TSHZ2: variants seen among roughly 807,000 people sequenced by gnomAD.
The protein encoded by TSHZ2 is teashirt homolog 2.
In TSHZ2, 21 loss-of-function variants were observed where a neutral mutation model predicts 74.4. The observed-to-expected ratio is 0.28, with a 90% CI of 0.20 to 0.41. TSHZ2 has a LOEUF of 0.41. Ranked by LOEUF, TSHZ2 falls within the 10% of genes least tolerant of loss-of-function variation. The pLI is 1.00. For synonymous variants in TSHZ2, 540 were observed against 515.3 expected (o/e 1.05, Z -0.65); for missense variants, 1,244 against 1,293.5 (o/e 0.96, Z 0.59).
chr20:53,383,519 GGAGGCT>G (rs1006285880), intron 2 of TSHZ2, among the ~76,000 whole-genome samples: 6 of 152,046 alleles, frequency 3.9e-5, no homozygotes, highest in African/African-American at 1.4e-4. Context: ...CAGCACTTTG[GGAGGCT>G]GAGGAGGGTG....
rs536018014 is a variant in TSHZ2 at position 53,185,619 on chromosome 20, CA to C, written c.41-67873del. 12,006 of 1,534,464 alleles carry C rather than the reference CA, an allele frequency of 7.8e-3. 67 individuals carry two copies. Among genetic ancestry groups the C allele is most frequent in the Non-Finnish European group, 8.6e-3 (9,913 of 1,146,186 alleles). ...GGGGATACAGAGCAAGACTCCATCTCAAAAAAAGAAAAAAAAGAAAGAAAAG... is the reference window on the plus strand; with the variant it reads ...GGGGATACAGAGCAAGACTCCATCTCAAAAAAGAAAAAAAAGAAAGAAAAG... On this transcript the variant is annotated intron_variant, in intron 1 of 2. Coordinates refer to ENST00000371497, the MANE Select transcript of TSHZ2 (RefSeq NM_173485.6).
At chr20:53,054,623 T>C (rs1255591645) in intron 1 of TSHZ2, among the ~76,000 whole-genome samples, 7 of 152,212 alleles carry the variant, frequency 4.6e-5, no homozygotes, top group African/African-American at 1.7e-4. Context: ...GTAGATTGAG[T>C]CTTTGCCGCC....
At chr20:53,031,985 GA>G in intron 1 of TSHZ2, among the ~76,000 whole-genome samples, 1 of 152,110 alleles carries the variant, frequency 6.6e-6, no homozygotes, top group East Asian at 1.9e-4. Context: ...AAGAAAGAAA[GA>G]AATTCAAAGC....
At chr20:53,076,672 G>A (rs547882244) in intron 1 of TSHZ2, among the ~76,000 whole-genome samples, 2 of 152,306 alleles carry the variant, frequency 1.3e-5, no homozygotes, top group Admixed American at 6.5e-5. Context: ...AGGTGAGGGT[G>A]GAGCAGGCCA....
chr20:53,351,862 T>C (rs764846418), intron 2 of TSHZ2, among the ~76,000 whole-genome samples: 3 of 152,240 alleles, frequency 2.0e-5, no homozygotes, highest in Non-Finnish European at 4.4e-5. Flanking sequence ...TTTCCACTTA[T>C]TGGTTTTATG....
chr20:53,055,236 G>A (rs868519923), intron 1 of TSHZ2, among the ~76,000 whole-genome samples: 8 of 152,056 alleles, frequency 5.3e-5, no homozygotes, highest in African/African-American at 1.2e-4. Context: ...ATAATCATTC[G>A]TTGAGCATTT....
At chr20:53,017,570 T>G (rs1236936598) in intron 1 of TSHZ2, among the ~76,000 whole-genome samples, 1 of 152,126 alleles carries the variant, frequency 6.6e-6, no homozygotes. Context: ...TTAAAAATAG[T>G]CAAGTTTTTA....
rs575606387 is a variant in TSHZ2, at chr20:53,186,768, G to C, written c.41-66731G>C. On this transcript the variant is annotated intron_variant, in intron 1 of 2. Transcript: ENST00000371497. ...GGCATCCACCTAAATACAACCACAC[G>C]GGGGAGGGAGGCAGCAGCCGTATTA... is the stretch of plus-strand genomic sequence containing the variant. Among the ~76,000 whole-genome samples the C allele has an allele frequency of 5.9e-5, 9 of 152,096 alleles. 1 individual carries two copies. The highest frequency in any genetic ancestry group is 1.3e-4 in the Non-Finnish European group (9 of 68,028).
chr20:53,250,068 C>G (rs1173884847), intron 1 of TSHZ2, among the ~76,000 whole-genome samples: 1 of 152,118 alleles, frequency 6.6e-6, no homozygotes, highest in African/African-American at 2.4e-5. Flanking sequence ...TCAGCTGTTC[C>G]AGGAATGGGG....
At chr20:53,475,547 G>A (rs1206057853) in intron 2 of TSHZ2, among the ~76,000 whole-genome samples, 1 of 110,702 alleles carries the variant, frequency 9.0e-6, no homozygotes. Context: ...ATGCCCACAA[G>A]AGAAAGCAGG....
At chr20:53,323,539 A>T (rs1160879052) in intron 2 of TSHZ2, among the ~76,000 whole-genome samples, 1 of 103,910 alleles carries the variant, frequency 9.6e-6, no homozygotes, top group Non-Finnish European at 2.0e-5. Flanking sequence ...CATCAAAGCC[A>T]CCCGTTTTCA....
intron 1 of TSHZ2, among the ~76,000 whole-genome samples, chr20:53,188,710 T>C (rs1314594559): frequency 6.6e-6 from 1 of 152,194 alleles, no homozygotes; most frequent in Non-Finnish European, 1.5e-5. Context: ...TACATATGAA[T>C]ACATATTAAT....
chr20:53,000,154 T>C (rs1600638580), intron 1 of TSHZ2, among the ~76,000 whole-genome samples: 1 of 152,216 alleles, frequency 6.6e-6, no homozygotes, highest in Non-Finnish European at 1.5e-5. Flanking sequence ...GTTGACAAAC[T>C]GTGACCTGTG....
At chr20:53,318,032 T>C (rs1489490283) in intron 2 of TSHZ2, among the ~76,000 whole-genome samples, 3 of 152,174 alleles carry the variant, frequency 2.0e-5, no homozygotes, top group South Asian at 2.1e-4. Flanking sequence ...AGACATGTAG[T>C]AGGGGTTCAG....
chr20:53,418,659 C>A (rs1409014958), intron 2 of TSHZ2, among the ~76,000 whole-genome samples: 1 of 152,158 alleles, frequency 6.6e-6, no homozygotes. Flanking sequence ...CTTCCCACAA[C>A]ATGTAGGAAT....
At chr20:53,003,294 G>C (rs1420447984) in intron 1 of TSHZ2, among the ~76,000 whole-genome samples, 4 of 145,458 alleles carry the variant, frequency 2.7e-5, no homozygotes, top group Non-Finnish European at 4.6e-5. Context: ...GTGTGTGTGT[G>C]TGAAATTTTT....
chr20:53,363,708 G>A (rs1981152928), intron 2 of TSHZ2, among the ~76,000 whole-genome samples: 1 of 152,200 alleles, frequency 6.6e-6, no homozygotes, highest in South Asian at 2.1e-4. Context: ...AACTACTTGG[G>A]AGGCTGAGGT....
At chr20:53,225,704 C>A (rs748980674) in intron 1 of TSHZ2, among the ~76,000 whole-genome samples, 2 of 152,166 alleles carry the variant, frequency 1.3e-5, no homozygotes, top group Non-Finnish European at 2.9e-5. Context: ...AAAATCACAC[C>A]GCTTGTTCAT....
chr20:53,088,507 C>G, intron 1 of TSHZ2, among the ~76,000 whole-genome samples: 1 of 152,196 alleles, frequency 6.6e-6, no homozygotes, highest in East Asian at 1.9e-4. Context: ...GGCCCTCCGT[C>G]CTGCTGTTGT....
Sources: gnomAD v4.1 joint callset for allele counts (sites outside exome capture counted in the v4.1 genomes callset) on GRCh38, gnomAD v4.1.1 for gene constraint, MANE v1.5 for transcripts, NCBI Gene and HGNC (gene_info 2026-07-23, HGNC 2026-07-21) for gene names.